Variants in FAM210A observed in about 807,000 individuals in gnomAD.
The protein encoded by FAM210A is family with sequence similarity 210 member A.
A neutral mutation model predicts 25.3 loss-of-function variants in FAM210A; 13 were observed. That is an observed-to-expected ratio of 0.51 (90% confidence interval 0.33 to 0.82). FAM210A has a LOEUF of 0.82. FAM210A is among the 40% of genes least tolerant of loss of function. The pLI, the probability that FAM210A is intolerant of heterozygous loss-of-function variation, is 0.02. For missense variants in FAM210A, 319 were observed against 323.2 expected (o/e 0.99, Z 0.10); for synonymous variants, 125 against 118.7 (o/e 1.05, Z -0.35).
rs2043380987 is a variant in FAM210A, at chr18:13,664,030, T to C, written c.*2450A>G. Reference sequence around the variant, plus strand: ...TTGGTACTGTATTCTGTTAGCCTGCTATTAATACTCCAAACTCAACATATT... The same window carrying C: ...TTGGTACTGTATTCTGTTAGCCTGCCATTAATACTCCAAACTCAACATATT... On this transcript the variant is annotated 3_prime_UTR_variant, in exon 4 of 4. Coordinates refer to ENST00000651643, the MANE Select transcript of FAM210A (RefSeq NM_152352.4). The C allele has an allele frequency of 6.6e-6, 1 of 152,234 alleles. No homozygotes were observed. Among genetic ancestry groups the C allele is most frequent in the East Asian group, 1.9e-4 (1 of 5,204 alleles). 9.4% of individuals were successfully genotyped at this position (152,234 alleles called of 1,614,324 possible). A position where few individuals can be genotyped will look rare whatever the true frequency, so the allele number is the denominator to read the frequency against.
At chr18:13,683,490 GGT>G (rs1366010394) in intron 1 of FAM210A, among the ~76,000 whole-genome samples, 1 of 151,924 alleles carries the variant, frequency 6.6e-6, no homozygotes, top group East Asian at 1.9e-4. Context: ...CTTGAGCCCA[GGT>G]ATTTGAGGCT....
At chr18:13,712,654 G>A (rs1186831747) in intron 1 of FAM210A, among the ~76,000 whole-genome samples, 1 of 152,132 alleles carries the variant, frequency 6.6e-6, no homozygotes, top group Non-Finnish European at 1.5e-5. Flanking sequence ...CTGTCTGTGA[G>A]CCAGCAAGTG....
intron 1 of FAM210A, among the ~76,000 whole-genome samples, chr18:13,714,671 T>C (rs1378878386): frequency 6.6e-6 from 1 of 152,226 alleles, no homozygotes; most frequent in Admixed American, 6.5e-5. Flanking sequence ...CAGGAGCCAG[T>C]TGAGAACTAC....
intron 3 of FAM210A, among the ~76,000 whole-genome samples, chr18:13,668,215 C>G (rs970710934): frequency 6.6e-6 from 1 of 152,236 alleles, no homozygotes; most frequent in Non-Finnish European, 1.5e-5. Flanking sequence ...GTGACCTCTA[C>G]AAAACTAAAT....
intron 1 of FAM210A, among the ~76,000 whole-genome samples, chr18:13,689,358 C>T (rs909928483): frequency 6.6e-6 from 1 of 152,146 alleles, no homozygotes. Context: ...CAATGTAACC[C>T]ACCATATCAA....
At chr18:13,694,462 A>T (rs914574118) in intron 1 of FAM210A, among the ~76,000 whole-genome samples, 1 of 152,240 alleles carries the variant, frequency 6.6e-6, no homozygotes, top group Non-Finnish European at 1.5e-5. Context: ...CCTGACTTCA[A>T]ACTATACTAC....
At chr18:13,714,821 C>T (rs575219930) in intron 1 of FAM210A, among the ~76,000 whole-genome samples, 2 of 152,248 alleles carry the variant, frequency 1.3e-5, no homozygotes, top group South Asian at 4.1e-4. Context: ...AATTCATTAT[C>T]TTGGGGGATT....
At chr18:13,695,155 C>A (rs9951022) in intron 1 of FAM210A, among the ~76,000 whole-genome samples, 77,815 of 152,048 alleles carry the variant, frequency 0.51, 20,856 homozygotes, top group East Asian at 0.86. Flanking sequence ...AAATCAAAAC[C>A]ACAATGAGAT....
At chr18:13,705,837 G>C (rs1290043589) in intron 1 of FAM210A, among the ~76,000 whole-genome samples, 1 of 152,170 alleles carries the variant, frequency 6.6e-6, no homozygotes, top group Non-Finnish European at 1.5e-5. Context: ...GACCATGAAA[G>C]CTTCAGGTAT....
intron 2 of FAM210A, among the ~76,000 whole-genome samples, chr18:13,681,140 C>T (rs1295571771): frequency 1.3e-5 from 2 of 152,144 alleles, no homozygotes; most frequent in Non-Finnish European, 2.9e-5. Flanking sequence ...AGTCATGGTG[C>T]TGCCAAATTT....
intron 2 of FAM210A, among the ~76,000 whole-genome samples, chr18:13,677,258 T>A (rs982196077): frequency 2.6e-5 from 4 of 152,096 alleles, no homozygotes; most frequent in African/African-American, 9.7e-5. Flanking sequence ...GTGTTTTTAG[T>A]AGAGACAGGG....
chr18:13,681,565 G>T, intron 2 of FAM210A, 40 bp downstream of exon 2: 1 of 1,444,320 alleles, frequency 6.9e-7, no homozygotes, highest in Non-Finnish European at 9.4e-7. Context: ...TTAATATTCT[G>T]GTAAGACAGG....
intron 1 of FAM210A, among the ~76,000 whole-genome samples, chr18:13,716,942 C>T (rs912147017): frequency 3.9e-5 from 6 of 152,228 alleles, no homozygotes; most frequent in African/African-American, 1.4e-4. Context: ...CGCCTAAGGA[C>T]AAAGCTGACA....
At position 13,666,266 on chromosome 18, in the gene FAM210A, G is replaced by A; in HGVS notation, c.*214C>T. 2 of 538,062 alleles carry A rather than the reference G, an allele frequency of 3.7e-6. No homozygotes were observed. The highest frequency in any genetic ancestry group is 6.6e-6 in the Non-Finnish European group (2 of 301,186). The allele number at this position is 538,062 out of a possible 1,614,324, so 33.3% of individuals were successfully genotyped here. A position where few individuals can be genotyped will look rare whatever the true frequency, so the allele number is the denominator to read the frequency against. On this transcript the variant is annotated 3_prime_UTR_variant, in exon 4 of 4. Coordinates refer to ENST00000651643, the MANE Select transcript of FAM210A (RefSeq NM_152352.4). The stretch of plus-strand genomic sequence containing the variant: ...ACCACTGCTTAATACTGCTACTGAT[G>A]GCAAATTCTTAAACTGGGTTCATTT...
intron 1 of FAM210A, among the ~76,000 whole-genome samples, chr18:13,696,965 C>T (rs974015164): frequency 1.3e-5 from 2 of 152,132 alleles, no homozygotes; most frequent in Admixed American, 1.3e-4. Flanking sequence ...ATAGGTGTAT[C>T]ATTTTTTATA....
Position 13,719,290 on chromosome 18 carries a change from A to G in FAM210A, c.-29+7039T>C, listed in dbSNP as rs193243055. On this transcript the variant is annotated intron_variant, in intron 1 of 3. Transcript: ENST00000651643. The stretch of plus-strand genomic sequence containing the variant: ...GGAAGAGTTACTATAATTCATGCTT[A>G]CATTAAAAATCAAGAAATCCAAATA... Among the ~76,000 whole-genome samples the G allele has an allele frequency of 7.9e-5, 12 of 152,344 alleles. No individual in the cohort carries two copies. In the East Asian group the frequency reaches 1.9e-3, roughly 24 times the overall value.
chr18:13,672,431 A>T (rs1231091843), intron 2 of FAM210A, among the ~76,000 whole-genome samples: 1 of 152,150 alleles, frequency 6.6e-6, no homozygotes, highest in Non-Finnish European at 1.5e-5. Context: ...CTGTTTTGAG[A>T]CAGAATCTTG....
chr18:13,695,306 C>CCTA (rs2043682960), intron 1 of FAM210A, among the ~76,000 whole-genome samples: 2 of 152,198 alleles, frequency 1.3e-5, no homozygotes, highest in Non-Finnish European at 2.9e-5. Flanking sequence ...GACAGTGTGG[C>CCTA]GATTCCTCAA....
chr18:13,698,333 C>CA (rs1183904372), intron 1 of FAM210A, among the ~76,000 whole-genome samples: 3 of 109,884 alleles, frequency 2.7e-5, no homozygotes, highest in Non-Finnish European at 5.0e-5. Flanking sequence ...GCCTGGGTGA[C>CA]AGAGTGAGAC....
Sources: gnomAD v4.1 joint callset for allele counts (sites outside exome capture counted in the v4.1 genomes callset) on GRCh38, gnomAD v4.1.1 for gene constraint, MANE v1.5 for transcripts, NCBI Gene and HGNC (gene_info 2026-07-23, HGNC 2026-07-21) for gene names.